OLA1: variants seen among roughly 807,000 people sequenced by gnomAD.
OLA1 encodes Obg like ATPase 1.
Under a neutral mutation model 48.4 loss-of-function variants are expected in OLA1, and 14 were observed. The ratio of observed to expected loss-of-function variants is 0.29; its 90% CI spans 0.19 to 0.45. OLA1 has a LOEUF of 0.45. Among genes scored for constraint, OLA1 ranks in the 20% least tolerant of loss-of-function variants. The pLI is 1.00. For synonymous variants in OLA1, 127 were observed against 150.4 expected (o/e 0.84, Z 1.14); for missense variants, 325 against 467.1 (o/e 0.70, Z 2.80).
chr2:174,093,390 C>T (rs931719289), intron 7 of OLA1, among the ~76,000 whole-genome samples: 1 of 152,024 alleles, frequency 6.6e-6, no homozygotes, highest in African/African-American at 2.4e-5. Context: ...ATCACTTGAA[C>T]CCAGGAGAGG....
At chr2:174,158,419 G>A (rs1022957242) in intron 4 of OLA1, among the ~76,000 whole-genome samples, 1 of 150,856 alleles carries the variant, frequency 6.6e-6, no homozygotes, top group Non-Finnish European at 1.5e-5. Flanking sequence ...CAGTACAACC[G>A]GGCTGTTTTA....
chr2:174,098,071 A>G (rs1574479797), intron 7 of OLA1, among the ~76,000 whole-genome samples: 1 of 152,220 alleles, frequency 6.6e-6, no homozygotes, highest in Non-Finnish European at 1.5e-5. Context: ...GGGGAGAAAC[A>G]AGAAGCACTA....
intron 4 of OLA1, among the ~76,000 whole-genome samples, chr2:174,165,509 G>C (rs1007873786): frequency 3.3e-5 from 5 of 152,176 alleles, no homozygotes; most frequent in Non-Finnish European, 4.4e-5. Flanking sequence ...ACTGTGAAGC[G>C]AAATTTCTGA....
rs986377337 is a variant in OLA1, at chr2:174,181,300, G to A, written c.374-39300C>T. Among the ~76,000 whole-genome samples the A allele has an allele frequency of 2.6e-5, 4 of 152,196 alleles. No individual in the cohort carries two copies. In the East Asian group the frequency reaches 7.7e-4, roughly 29 times the overall value. On this transcript the variant is annotated intron_variant, in intron 4 of 10. Coordinates refer to ENST00000284719, the MANE Select transcript of OLA1 (RefSeq NM_013341.5). ...AAGGAATCGAATGTGAAGAAGTGGA[G>A]ATGACCTCTTTTTAGCTTTGTTGTG...
At chr2:174,167,534 C>T (rs1687194700) in intron 4 of OLA1, among the ~76,000 whole-genome samples, 1 of 152,172 alleles carries the variant, frequency 6.6e-6, no homozygotes, top group South Asian at 2.1e-4. Context: ...AGAAATTGCA[C>T]CATTGCACTC....
intron 7 of OLA1, among the ~76,000 whole-genome samples, chr2:174,098,934 C>CT (rs1342715308): frequency 7.2e-5 from 11 of 152,126 alleles, no homozygotes; most frequent in Non-Finnish European, 4.4e-5. Flanking sequence ...GGTCTAAGCA[C>CT]TAATCACTTC....
At chr2:174,141,217 C>T (rs1489864994) in intron 5 of OLA1, among the ~76,000 whole-genome samples, 2 of 152,366 alleles carry the variant, frequency 1.3e-5, no homozygotes, top group East Asian at 3.9e-4. Flanking sequence ...TAGGCGTGAG[C>T]CACCACGCCT....
At chr2:174,170,965 G>A (rs1558988222) in intron 4 of OLA1, among the ~76,000 whole-genome samples, 2 of 152,078 alleles carry the variant, frequency 1.3e-5, no homozygotes, top group African/African-American at 2.4e-5. Flanking sequence ...AGTATAAGAC[G>A]GCTATAGTAG....
intron 7 of OLA1, among the ~76,000 whole-genome samples, chr2:174,107,318 C>A (rs1685537212): frequency 6.6e-6 from 1 of 152,090 alleles, no homozygotes; most frequent in African/African-American, 2.4e-5. Context: ...AAATGGACGT[C>A]CACGCTCTAT....
rs528963586 is a variant in OLA1, at chr2:174,075,260, G to C, written c.*166C>G. The C allele has an allele frequency of 1.5e-3, 771 of 517,194 alleles. 11 individuals are homozygous for C. Among genetic ancestry groups the C allele is most frequent in the Non-Finnish European group, 2.0e-3 (571 of 289,438 alleles). 32.0% of individuals were successfully genotyped at this position (517,194 alleles called of 1,614,324 possible). On this transcript the variant is annotated 3_prime_UTR_variant, in exon 11 of 11. Coordinates refer to ENST00000284719, the MANE Select transcript of OLA1 (RefSeq NM_013341.5). ...TAGTGAACCTGCATTTCATGGGGGG[G>C]GGGGGGTACACAGTATTTTAATTTT...
intron 4 of OLA1, among the ~76,000 whole-genome samples, chr2:174,164,385 G>GCA (rs1553485219): frequency 3.3e-3 from 492 of 151,370 alleles, no homozygotes; most frequent in African/African-American, 7.0e-3. Context: ...ATACCATTCT[G>GCA]TTTTATGTTT....
intron 5 of OLA1, among the ~76,000 whole-genome samples, chr2:174,129,233 C>T (rs888492479): frequency 3.3e-5 from 5 of 152,082 alleles, no homozygotes; most frequent in South Asian, 2.1e-4. Flanking sequence ...CCGAGGCAGG[C>T]GGATCACGAG....
intron 5 of OLA1, among the ~76,000 whole-genome samples, chr2:174,140,858 A>G (rs1385606888): frequency 2.0e-5 from 3 of 152,172 alleles, no homozygotes; most frequent in Non-Finnish European, 4.4e-5. Flanking sequence ...CAATGGGGGT[A>G]ACCTGCTCAT....
chr2:174,170,699 A>G (rs1687279079), intron 4 of OLA1, among the ~76,000 whole-genome samples: 1 of 152,190 alleles, frequency 6.6e-6, no homozygotes, highest in African/African-American at 2.4e-5. Context: ...GGAGTTCAAG[A>G]TCAGCCGAGG....
intron 2 of OLA1, among the ~76,000 whole-genome samples, chr2:174,246,138 A>G (rs1420969200): frequency 6.6e-6 from 1 of 151,560 alleles, no homozygotes; most frequent in Non-Finnish European, 1.5e-5. Flanking sequence ...CGTCTCTACT[A>G]AAAATACAAA....
intron 4 of OLA1, among the ~76,000 whole-genome samples, chr2:174,171,426 T>A (rs1687300129): frequency 6.6e-6 from 1 of 152,118 alleles, no homozygotes; most frequent in Non-Finnish European, 1.5e-5. Flanking sequence ...ATGATCCCTA[T>A]CTATTAAAAA....
intron 7 of OLA1, among the ~76,000 whole-genome samples, chr2:174,113,078 T>C (rs913311946): frequency 5.3e-5 from 8 of 152,180 alleles, no homozygotes; most frequent in African/African-American, 1.7e-4. Flanking sequence ...GTAGCTGGGA[T>C]TACAGGTGCC....
chr2:174,159,882 T>C (rs1686972831), intron 4 of OLA1, among the ~76,000 whole-genome samples: 2 of 152,040 alleles, frequency 1.3e-5, no homozygotes, highest in Non-Finnish European at 1.5e-5. Context: ...AAAATGTTTT[T>C]ATATGTCACA....
intron 2 of OLA1, among the ~76,000 whole-genome samples, chr2:174,236,468 T>C (rs1688853547): frequency 6.6e-6 from 1 of 151,976 alleles, no homozygotes; most frequent in African/African-American, 2.4e-5. Context: ...AAGACAGCAA[T>C]AAAAGTATCC....
Sources: gnomAD v4.1 joint callset for allele counts (sites outside exome capture counted in the v4.1 genomes callset) on GRCh38, gnomAD v4.1.1 for gene constraint, MANE v1.5 for transcripts, NCBI Gene and HGNC (gene_info 2026-07-23, HGNC 2026-07-21) for gene names.